The following PLEKHH1 variants were observed in gnomAD, a reference collection of about 807,000 sequenced individuals.
PLEKHH1 encodes the protein pleckstrin homology domain-containing family H member 1.
A neutral mutation model predicts 160.0 loss-of-function variants in PLEKHH1; 104 were observed. That is an observed-to-expected ratio of 0.65 (90% CI 0.55 to 0.76). The LOEUF is 0.76. Among genes scored for constraint, PLEKHH1 ranks in the 30% least tolerant of loss-of-function variants. PLEKHH1 has a pLI of 0.00. For missense variants in PLEKHH1, 1,427 were observed against 1,724.1 expected (o/e 0.83, Z 3.05); for synonymous variants, 619 against 678.4 (o/e 0.91, Z 1.36).
chr14:67,568,913 T>C, intron 7 of PLEKHH1: 1 of 525,596 alleles, frequency 1.9e-6, no homozygotes, highest in South Asian at 2.3e-5. Flanking sequence ...TGTTAAGTAT[T>C]TCATTGATTC....
chr14:67,558,487 T>C (rs1171004871), intron 4 of PLEKHH1, among the ~76,000 whole-genome samples: 1 of 152,216 alleles, frequency 6.6e-6, no homozygotes, highest in South Asian at 2.1e-4. Context: ...AATTCTTCCA[T>C]TGATTTTAGA....
intron 9 of PLEKHH1, chr14:67,570,241 A>T: frequency 1.7e-6 from 1 of 596,092 alleles, no homozygotes; most frequent in Non-Finnish European, 2.1e-6. Context: ...TAAGAAGGTT[A>T]AGCCTATGCC....
Position 67,576,645 on chromosome 14 carries a change from C to A in PLEKHH1, c.2461+142C>A. The stretch of plus-strand genomic sequence containing the variant: ...CACAGAGGGGAAGTTCCCATCCAAG[C>A]TCCAGGGCCCCTCTGTCTCCGGCTG... On this transcript the variant is annotated intron_variant, in intron 17 of 28. Transcript: ENST00000329153. This position sits in a 1 kb window ranked among gnomAD's most constrained non-coding sequence, Gnocchi z 4.0. 1.8e-6 allele frequency: 1 copy of A among 547,946 alleles called. No homozygotes were observed. The highest frequency in any genetic ancestry group is 3.3e-6 in the Non-Finnish European group (1 of 305,732). 33.9% of individuals were successfully genotyped at this position (547,946 alleles called of 1,614,324 possible).
In PLEKHH1 at chr14:67,567,542, C is replaced by T. The variant is rs773841325; in HGVS notation, c.1264-1596C>T. 2.8e-4 allele frequency among the ~76,000 whole-genome samples: 43 copies of T among 152,230 alleles called. 1 individual carries two copies. The highest frequency in any genetic ancestry group is 3.4e-3 in the Middle Eastern group (1 of 294). ...ACTTGGGCTCGATGTATCTGCCCTA[C>T]ACGAGCACAGAAACTCCCTGCCCTG... On this transcript the variant is annotated intron_variant, in intron 7 of 28. Transcript: ENST00000329153.
rs748182843 is a variant in PLEKHH1, at chr14:67,577,429, C to A, written c.2574+15C>A. 4.1e-6 allele frequency: 6 copies of A among 1,478,330 alleles called. No individual in the cohort carries two copies. The highest frequency in any genetic ancestry group is 4.6e-6 in the Non-Finnish European group (5 of 1,077,488). 91.6% of individuals were successfully genotyped at this position (1,478,330 alleles called of 1,614,324 possible). On this transcript the variant is annotated intron_variant, in intron 18 of 28. Transcript: ENST00000329153. ...AGCTCTTCAAGGTAAATTGGGGTGG[C>A]GGCCAGGCCCACCGCTGGGATACTT...
At chr14:67,575,752 A>G in intron 15 of PLEKHH1, 71 bp from the exon 16 acceptor site, 4 of 1,126,402 alleles carry the variant, frequency 3.6e-6, no homozygotes, top group Middle Eastern at 2.1e-4. Context: ...CACGGAGCCT[A>G]TGTATTCAGA....
chr14:67,557,280 G>A lies in PLEKHH1; in HGVS notation c.201G>A (p.Met67Ile). ...AENAETQVGV[M>I]EEKVKLSNLK... ...ATTGTACTTTTCAGGTGGGTGTCATGGAAGAGAAGGTAAAACTATCCAATC... is the reference window on the plus strand; with the variant it reads ...ATTGTACTTTTCAGGTGGGTGTCATAGAAGAGAAGGTAAAACTATCCAATC... Residue 67 changes from methionine (M) to isoleucine (I), a missense_variant, in exon 4 of 29, where the codon ATG (methionine) becomes ATA (isoleucine). Coordinates refer to ENST00000329153, the MANE Select transcript of PLEKHH1 (RefSeq NM_020715.3). The A allele has an allele frequency of 6.2e-7, 1 of 1,613,666 alleles. No homozygotes were observed. The highest frequency in any genetic ancestry group is 1.3e-5 in the African/African-American group (1 of 75,048).
rs1594766089 is a variant in PLEKHH1, at chr14:67,562,615, CA to C, written c.988del (p.Arg330GlyfsTer17). 7 of 1,612,772 alleles carry C rather than the reference CA, an allele frequency of 4.3e-6. No homozygotes were observed. The highest frequency in any genetic ancestry group is 4.0e-5 in the African/African-American group (3 of 74,892). On this transcript the variant is annotated frameshift_variant, in exon 7 of 29. Coordinates refer to ENST00000329153, the MANE Select transcript of PLEKHH1 (RefSeq NM_020715.3). LOFTEE classifies it high-confidence loss of function. ...CCCCGCGGGACAGCATCCAGTTGGC[CA>C]AAAGGCACCACAGCCAGCCCCAGGT... The part of the protein sequence containing the change: ...GTPRDSIQLA[K>X]RHHSQPQVGH...
rs1269379459 is a variant in PLEKHH1, at chr14:67,559,611, C to G, written c.343C>G (p.Gln115Glu). ...GAAGGCCCTCTCTTTCTTGCAGAAG[C>G]AGATGAGGGCAGAGGAAGCAAAAAC... ...QLEAQLEKQK[Q>E]MRAEEAKTVQ... is the part of the protein sequence containing the mutation. Residue 115 changes from glutamine (Q) to glutamate (E), a missense_variant, in exon 5 of 29, where the codon CAG becomes GAG. Physicochemically the swap from Gln to Glu is conservative, Grantham distance 29 (BLOSUM62 2). This residue lies in a region of PLEKHH1 where 831 missense variants were observed against 929.2 expected (regional missense o/e 0.89). Coordinates refer to ENST00000329153, the MANE Select transcript of PLEKHH1 (RefSeq NM_020715.3). 3 of 1,587,214 alleles carry G rather than the reference C, an allele frequency of 1.9e-6. No individual in the cohort carries two copies. Among genetic ancestry groups the G allele is most frequent in the African/African-American group, 1.3e-5 (1 of 74,360 alleles).
chr14:67,548,397 ATT>A (rs2034261826), intron 2 of PLEKHH1, among the ~76,000 whole-genome samples: 1 of 152,164 alleles, frequency 6.6e-6, no homozygotes, highest in African/African-American at 2.4e-5. Context: ...CTTTGAGGGT[ATT>A]AATAAAAGAA....
intron 7 of PLEKHH1, among the ~76,000 whole-genome samples, chr14:67,565,699 G>A (rs756989256): frequency 2.0e-5 from 3 of 152,204 alleles, no homozygotes; most frequent in Non-Finnish European, 4.4e-5. Context: ...ACAGCTAAGC[G>A]TTGGCTCCTG....
At chr14:67,560,774 A>C (rs1456655912) in intron 5 of PLEKHH1, among the ~76,000 whole-genome samples, 23 of 126,940 alleles carry the variant, frequency 1.8e-4, no homozygotes, top group Non-Finnish European at 3.0e-4. Context: ...CTTGTTTCCC[A>C]GGCTGGAGTG....
At position 67,587,212 on chromosome 14, in the gene PLEKHH1, A is replaced by T; in HGVS notation, c.4072A>T (p.Thr1358Ser). The part of the protein sequence containing the change: ...RQFFSSVSCA[T>S]KGPTLL ...GTTCTTTTCTTCTGTTTCCTGTGCT[A>T]CCAAGGGGCCAACGTTGCTGTGAAT... The change falls in exon 29 of 29, where the codon ACC (threonine) becomes TCC (serine). Residue 1358 changes from threonine (T) to serine (S), a missense_variant. Thr to Ser is a moderately conservative substitution (Grantham distance 58). This residue lies in a region of PLEKHH1 where 96 missense variants were observed against 97.6 expected (regional missense o/e 0.98). Coordinates refer to ENST00000329153, the MANE Select transcript of PLEKHH1 (RefSeq NM_020715.3). 6 of 1,613,816 alleles carry T rather than the reference A, an allele frequency of 3.7e-6. No homozygotes were observed. Among genetic ancestry groups the T allele is most frequent in the Non-Finnish European group, 5.1e-6 (6 of 1,179,822 alleles).
chr14:67,546,168 A>G (rs1380826752), intron 2 of PLEKHH1, among the ~76,000 whole-genome samples: 1 of 152,214 alleles, frequency 6.6e-6, no homozygotes, highest in African/African-American at 2.4e-5. Flanking sequence ...GTAAAAATAT[A>G]AAAACAACCA....
chr14:67,578,746 C>A lies in PLEKHH1; in HGVS notation c.2849+115C>A. On this transcript the variant is annotated intron_variant, in intron 20 of 28. Transcript: ENST00000329153. The surrounding 1 kb of genome is among the most constrained non-coding windows in gnomAD (Gnocchi z 5.0). ...ATCACTCCTGTCCTCTGAAACCGCTCAGTGGTCGTGGAGACTTCACCCATT... is the reference window on the plus strand; with the variant it reads ...ATCACTCCTGTCCTCTGAAACCGCTAAGTGGTCGTGGAGACTTCACCCATT... 1 of 734,224 alleles carries A rather than the reference C, an allele frequency of 1.4e-6. No homozygotes were observed. Among genetic ancestry groups the A allele is most frequent in the Non-Finnish European group, 2.4e-6 (1 of 412,638 alleles). 45.5% of individuals were successfully genotyped at this position (734,224 alleles called of 1,614,324 possible).
intron 1 of PLEKHH1, among the ~76,000 whole-genome samples, chr14:67,541,204 T>C (rs2033952039): frequency 6.6e-6 from 1 of 152,248 alleles, no homozygotes; most frequent in Non-Finnish European, 1.5e-5. Context: ...TTTTCTCATC[T>C]AACATTTTAT....
At chr14:67,565,909 C>T (rs2035066581) in intron 7 of PLEKHH1, among the ~76,000 whole-genome samples, 3 of 152,148 alleles carry the variant, frequency 2.0e-5, no homozygotes, top group Admixed American at 2.0e-4. Flanking sequence ...CACTTGAGGT[C>T]AGGAGTTCGA....
At chr14:67,568,790 G>C (rs564205333) in intron 7 of PLEKHH1, among the ~76,000 whole-genome samples, 67 of 152,246 alleles carry the variant, frequency 4.4e-4, no homozygotes, top group African/African-American at 1.6e-3. Context: ...AGGATTCAGA[G>C]CAACAGTTTA....
chr14:67,549,031 T>C (rs143156303), intron 2 of PLEKHH1, among the ~76,000 whole-genome samples: 2,147 of 152,312 alleles, frequency 0.014, 27 homozygotes, highest in Non-Finnish European at 0.017. Flanking sequence ...TTTCACAACA[T>C]ATGGGTAGCC....
Sources: gnomAD v4.1 joint callset for allele counts (sites outside exome capture counted in the v4.1 genomes callset) on GRCh38, gnomAD v4.1.1 for gene constraint, gnomAD v4.1.1 regional missense constraint, Gnocchi (gnomAD v3.1) non-coding constraint, MANE v1.5 for transcripts, NCBI Gene and HGNC (gene_info 2026-07-23, HGNC 2026-07-21) for gene names.